The following CDH8 variants were observed in gnomAD, a reference collection of about 807,000 sequenced individuals.
The protein encoded by CDH8 is cadherin 8.
CDH8 carries 17 observed loss-of-function variants against 68.1 expected under a neutral mutation model. The observed-to-expected ratio is 0.25, with a 90% CI of 0.17 to 0.37. The LOEUF (loss-of-function observed/expected upper bound fraction) is 0.37. Among genes scored for constraint, CDH8 ranks in the 10% least tolerant of loss-of-function variants. The pLI, the probability that CDH8 is intolerant of heterozygous loss-of-function variation, is 1.00. For synonymous variants in CDH8, 372 were observed against 365.1 expected, an observed-to-expected ratio of 1.02 and a Z score of -0.21; for missense variants, 763 against 999.3, an observed-to-expected ratio of 0.76 and a Z score of 3.19.
chr16:61,991,391 C>T (rs187537937), intron 2 of CDH8, among the ~76,000 whole-genome samples: 8 of 152,252 alleles, frequency 5.3e-5, no homozygotes, highest in Admixed American at 3.3e-4. Flanking sequence ...TGTAAGTGAT[C>T]GTAACCTTCA....
At chr16:61,899,792 A>T (rs951957075) in intron 3 of CDH8, among the ~76,000 whole-genome samples, 3 of 151,650 alleles carry the variant, frequency 2.0e-5, no homozygotes, top group Admixed American at 6.6e-5. Context: ...TTTATTTGAA[A>T]TTTAAATTCC....
At position 62,018,585 on chromosome 16, in the gene CDH8, C is replaced by T. The variant is rs531448558; in HGVS notation, c.252+2567G>A. 1.0e-3 allele frequency among the ~76,000 whole-genome samples: 158 copies of T among 152,230 alleles called. 1 individual carries two copies. The highest frequency in any genetic ancestry group is 3.5e-3 in the African/African-American group (146 of 41,546). The stretch of plus-strand genomic sequence containing the variant: ...GTCACCTGAAATGTATTTTTGGCTA[C>T]GCTACAACCCAAGATCCTCCAAGGC... On this transcript the variant is annotated intron_variant, in intron 2 of 11. Transcript: ENST00000577390.
intron 2 of CDH8, among the ~76,000 whole-genome samples, chr16:61,922,417 G>A (rs2143416531): frequency 6.6e-6 from 1 of 152,162 alleles, no homozygotes; most frequent in East Asian, 1.9e-4. Context: ...ACTCCACCCA[G>A]AGGCAACCAT....
At chr16:61,995,676 C>T (rs1269076327) in intron 2 of CDH8, among the ~76,000 whole-genome samples, 3 of 152,150 alleles carry the variant, frequency 2.0e-5, no homozygotes, top group Admixed American at 1.3e-4. Flanking sequence ...GGCTCCCGGC[C>T]TACTTTTACT....
chr16:61,804,496 C>CA (rs558750317), intron 7 of CDH8, among the ~76,000 whole-genome samples: 2 of 150,310 alleles, frequency 1.3e-5, no homozygotes, highest in Admixed American at 6.6e-5. Context: ...AATAGAGACA[C>CA]AAAAAACCCT....
intron 2 of CDH8, among the ~76,000 whole-genome samples, chr16:61,944,792 A>C (rs1964775374): frequency 6.6e-6 from 1 of 152,218 alleles, no homozygotes; most frequent in African/African-American, 2.4e-5. Context: ...AAATAAATAA[A>C]TAAGACCAAT....
At chr16:61,689,342 T>C (rs1305620460) in intron 10 of CDH8, among the ~76,000 whole-genome samples, 20 of 151,932 alleles carry the variant, frequency 1.3e-4, no homozygotes, top group Admixed American at 1.3e-3. Context: ...TTTTGTAGGG[T>C]TGTCATAGGC....
At chr16:61,780,316 A>G (rs75914317) in intron 8 of CDH8, among the ~76,000 whole-genome samples, 362 of 152,290 alleles carry the variant, frequency 2.4e-3, no homozygotes, top group African/African-American at 8.6e-3. Flanking sequence ...AGCTCATGTG[A>G]TAAGATGTGC....
At chr16:61,849,321 GAA>G (rs111348421) in intron 4 of CDH8, among the ~76,000 whole-genome samples, 6 of 140,824 alleles carry the variant, frequency 4.3e-5, no homozygotes, top group African/African-American at 1.0e-4. Context: ...TGCATTAAAA[GAA>G]AAAAAAAAAG....
At chr16:61,922,780 C>T (rs150800398) in intron 2 of CDH8, among the ~76,000 whole-genome samples, 2,234 of 152,174 alleles carry the variant, frequency 0.015, 31 homozygotes, top group Middle Eastern at 0.065. Context: ...AATCTAAAAT[C>T]CAGGCAATGA....
intron 4 of CDH8, among the ~76,000 whole-genome samples, chr16:61,847,962 C>T (rs139059289): frequency 6.6e-6 from 1 of 151,690 alleles, no homozygotes; most frequent in African/African-American, 2.4e-5. Context: ...AGTTAACATC[C>T]CTTGGATATT....
intron 10 of CDH8, chr16:61,692,021 G>A (rs569205684): frequency 6.6e-6 from 1 of 152,146 alleles, no homozygotes; most frequent in East Asian, 1.9e-4. Context: ...CCTAAGGGTT[G>A]GGTACCCATA....
intron 2 of CDH8, among the ~76,000 whole-genome samples, chr16:61,995,775 G>GT (rs1422415770): frequency 1.3e-5 from 2 of 152,176 alleles, no homozygotes; most frequent in Non-Finnish European, 2.9e-5. Context: ...ATGTAATAAT[G>GT]TTTTCTCATT....
At chr16:61,656,412 T>C (rs1398001204) in intron 10 of CDH8, among the ~76,000 whole-genome samples, 1 of 152,222 alleles carries the variant, frequency 6.6e-6, no homozygotes, top group African/African-American at 2.4e-5. Context: ...TTGAATAAAA[T>C]GTCATCATAT....
At chr16:61,682,170 T>C (rs1222252182) in intron 10 of CDH8, among the ~76,000 whole-genome samples, 2 of 151,998 alleles carry the variant, frequency 1.3e-5, no homozygotes, top group East Asian at 3.9e-4. Context: ...AGTAGAGTTA[T>C]AGCATTTTCC....
chr16:61,678,284 C>G (rs1050919877), intron 10 of CDH8, among the ~76,000 whole-genome samples: 3 of 152,104 alleles, frequency 2.0e-5, no homozygotes, highest in African/African-American at 7.2e-5. Flanking sequence ...TTCTCAGAAT[C>G]TCCTGAGGGC....
chr16:61,768,398 T>TTCTCTCTCTCTCTCTCTCTCTCTCTC (rs530131371), intron 8 of CDH8, among the ~76,000 whole-genome samples: 2 of 35,202 alleles, frequency 5.7e-5, no homozygotes, highest in Admixed American at 3.7e-4. Flanking sequence ...CTCTCTCCCT[T>TTCTCTCTCTCTCTCTCTCTCTCTCTC]TCTCTCTCTC....
intron 10 of CDH8, among the ~76,000 whole-genome samples, chr16:61,662,641 T>A (rs1255540563): frequency 6.6e-6 from 1 of 151,836 alleles, no homozygotes; most frequent in Non-Finnish European, 1.5e-5. Flanking sequence ...AGAATAACAA[T>A]ATAATAATTA....
Position 61,751,364 on chromosome 16 carries a change from G to A in CDH8, c.1415-24149C>T, listed in dbSNP as rs551037795. On this transcript the variant is annotated intron_variant, in intron 8 of 11. Transcript: ENST00000577390. ...CTGAGGTTAAGTAGTTGGCACAAAT[G>A]TCCTTCCATATTCTCCTTAAAAAAA... Among the ~76,000 whole-genome samples the A allele has an allele frequency of 1.4e-4, 15 of 103,812 alleles. No homozygotes were observed. The East Asian group carries it at 3.6e-3, about 25-fold the overall frequency. The allele number at this position is 103,812 out of a possible 152,430, so 68.1% of individuals were successfully genotyped here.
Sources: gnomAD v4.1 joint callset for allele counts (sites outside exome capture counted in the v4.1 genomes callset) on GRCh38, gnomAD v4.1.1 for gene constraint, MANE v1.5 for transcripts, NCBI Gene and HGNC (gene_info 2026-07-23, HGNC 2026-07-21) for gene names.